Variants in TMEM273 observed in about 807,000 individuals in gnomAD.
TMEM273 encodes transmembrane protein 273.
TMEM273 carries 19 observed loss-of-function variants against 17.9 expected under a neutral mutation model. The observed-to-expected ratio is 1.06, with a 90% confidence interval of 0.74 to 1.55. The LOEUF is 1.55. Ranked by LOEUF, TMEM273 falls within the 40% of genes most tolerant of loss-of-function variation. The pLI, the probability that TMEM273 is intolerant of heterozygous loss-of-function variation, is 0.00. For missense variants in TMEM273, 194 were observed against 155.6 expected, an observed-to-expected ratio of 1.25 and a Z score of -1.31; for synonymous variants, 66 against 62.0, an observed-to-expected ratio of 1.07 and a Z score of -0.31.
chr10:49,187,149 C>T (rs1590270164), intron 1 of TMEM273, among the ~76,000 whole-genome samples: 1 of 152,252 alleles, frequency 6.6e-6, no homozygotes, highest in African/African-American at 2.4e-5. Flanking sequence ...TACCTTCCAC[C>T]ACGTCTCTGG....
chr10:49,169,014 G>A lies in TMEM273; in HGVS notation c.44-1052C>T, dbSNP rs1846383001. Among the ~76,000 whole-genome samples the A allele has an allele frequency of 2.6e-5, 4 of 152,304 alleles. No homozygotes were observed. In the South Asian group the frequency reaches 8.3e-4, roughly 32 times the overall value. On this transcript the variant is annotated intron_variant, in intron 1 of 6. Transcript: ENST00000374153. ...CAAAATGAGGAACGGGAGGCATTGT[G>A]GTCTTGCTAATTTGCCCAAGAGCCA...
At chr10:49,169,497 A>G (rs1846413835) in intron 1 of TMEM273, among the ~76,000 whole-genome samples, 1 of 152,206 alleles carries the variant, frequency 6.6e-6, no homozygotes, top group African/African-American at 2.4e-5. Context: ...TTAGACTGGT[A>G]AAGATTCCCC....
chr10:49,179,553 G>C (rs1252013865), intron 1 of TMEM273, among the ~76,000 whole-genome samples: 1 of 152,132 alleles, frequency 6.6e-6, no homozygotes, highest in African/African-American at 2.4e-5. Context: ...AGATGAAATA[G>C]GTTTACTTTT....
At chr10:49,161,484 T>C (rs1403044025) in intron 6 of TMEM273, 115 bp downstream of exon 6, 2 of 1,351,684 alleles carry the variant, frequency 1.5e-6, no homozygotes, top group Admixed American at 3.4e-5. Flanking sequence ...CATGCCATGG[T>C]TGCCCGTCCC....
intron 1 of TMEM273, among the ~76,000 whole-genome samples, chr10:49,182,467 T>G (rs1448308187): frequency 6.6e-6 from 1 of 152,252 alleles, no homozygotes; most frequent in Admixed American, 6.5e-5. Context: ...AAGAATGTTT[T>G]AGGCCCTGGA....
chr10:49,185,501 C>T (rs1016134930), intron 1 of TMEM273, among the ~76,000 whole-genome samples: 3 of 152,138 alleles, frequency 2.0e-5, no homozygotes, highest in African/African-American at 7.2e-5. Flanking sequence ...CTAAACAGTG[C>T]TCTAGGCCCC....
intron 4 of TMEM273, 87 bp from the exon 5 acceptor site, chr10:49,165,370 A>G: frequency 6.5e-7 from 1 of 1,545,452 alleles, no homozygotes; most frequent in Non-Finnish European, 8.7e-7. Context: ...CTCTGTGCAG[A>G]AGAGCAGGGT....
At chr10:49,174,848 G>A (rs117501758) in intron 1 of TMEM273, among the ~76,000 whole-genome samples, 13 of 152,154 alleles carry the variant, frequency 8.5e-5, no homozygotes, top group South Asian at 2.1e-4. Flanking sequence ...GGACCCCTGC[G>A]ACCCTGACGC....
intron 5 of TMEM273, among the ~76,000 whole-genome samples, chr10:49,162,666 C>T (rs1388153969): frequency 1.3e-5 from 2 of 152,262 alleles, no homozygotes; most frequent in South Asian, 2.1e-4. Context: ...GAGCTGGCCA[C>T]AGCAGTCTGT....
At chr10:49,186,539 G>A (rs1256787969) in intron 1 of TMEM273, among the ~76,000 whole-genome samples, 1 of 152,188 alleles carries the variant, frequency 6.6e-6, no homozygotes, top group Non-Finnish European at 1.5e-5. Flanking sequence ...AATAGTGAGT[G>A]CTCACCACTT....
Position 49,166,770 on chromosome 10 carries a change from G to A in TMEM273, c.238+99C>T, listed in dbSNP as rs758460340. 1.2e-5 allele frequency: 19 copies of A among 1,551,176 alleles called. No homozygotes were observed. The East Asian group carries it at 4.0e-4, about 33-fold the overall frequency. On this transcript the variant is annotated intron_variant, in intron 3 of 6. Coordinates refer to ENST00000374153, the MANE Select transcript of TMEM273 (RefSeq NM_001288740.3). ...CTTCCTTTACAGCCTGTTGGGCTCT[G>A]CGCTTGTGGGTTCATTCTTGCTGTA...
chr10:49,184,161 T>A (rs866557421), intron 1 of TMEM273, among the ~76,000 whole-genome samples: 2 of 152,184 alleles, frequency 1.3e-5, no homozygotes, highest in Admixed American at 6.5e-5. Flanking sequence ...TAAAATTAGA[T>A]CCTTTCTTTA....
intron 5 of TMEM273, among the ~76,000 whole-genome samples, chr10:49,163,339 A>G (rs1845968911): frequency 6.6e-6 from 1 of 151,842 alleles, no homozygotes. Context: ...GATGGGACAT[A>G]TGGCATCTCT....
At chr10:49,186,867 T>C (rs1181572778) in intron 1 of TMEM273, among the ~76,000 whole-genome samples, 4 of 152,198 alleles carry the variant, frequency 2.6e-5, no homozygotes, top group Non-Finnish European at 5.9e-5. Context: ...AGAGTTGCTG[T>C]GGGAACCAAA....
rs112698847 is a variant in TMEM273, at chr10:49,158,303, CT to C, written c.373-2395del. On this transcript the variant is annotated intron_variant, in intron 6 of 6. Transcript: ENST00000374153. ...AATTTAAATACCAGGATGTTTGCTT[CT>C]TTTTTTTTTTCTGTGTGTTGTTTTT... 1.2e-3 allele frequency among the ~76,000 whole-genome samples: 178 copies of C among 145,944 alleles called. 1 individual carries two copies. Among genetic ancestry groups the C allele is most frequent in the African/African-American group, 2.3e-3 (94 of 40,028 alleles).
intron 2 of TMEM273, 150 bp downstream of exon 2, chr10:49,167,759 T>C (rs1846288709): frequency 1.1e-6 from 1 of 938,922 alleles, no homozygotes; most frequent in African/African-American, 1.6e-5. Context: ...AGCTGTCAGC[T>C]GCTCTGGGGG....
intron 3 of TMEM273, 35 bp from the exon 4 acceptor site, chr10:49,165,831 C>A: frequency 1.9e-6 from 3 of 1,613,732 alleles, no homozygotes; most frequent in South Asian, 1.1e-5. Flanking sequence ...GGAAGGGGGT[C>A]GTGTGACAAG....
At chr10:49,156,897 G>GT (rs2132073593) in intron 6 of TMEM273, among the ~76,000 whole-genome samples, 1 of 152,338 alleles carries the variant, frequency 6.6e-6, no homozygotes, top group East Asian at 1.9e-4. Flanking sequence ...AGAGGAAGTG[G>GT]TGAGAAAAGT....
At position 49,161,623 on chromosome 10, in the gene TMEM273, C is replaced by A; in HGVS notation, c.349-1G>T. On this transcript the variant is annotated splice_acceptor_variant, in intron 5 of 6. Transcript: ENST00000374153. LOFTEE classifies it high-confidence loss of function. Reference sequence around the variant, plus strand: ...CCTTTTGGAGAAATTGTGGTTTCGCCTGCAAAACAAGATAAAAGGGTGTTC... The same window carrying A: ...CCTTTTGGAGAAATTGTGGTTTCGCATGCAAAACAAGATAAAAGGGTGTTC... The A allele has an allele frequency of 6.2e-7, 1 of 1,614,216 alleles. No individual in the cohort carries two copies. The highest frequency in any genetic ancestry group is 8.5e-7 in the Non-Finnish European group (1 of 1,180,036).
Sources: allele counts gnomAD v4.1 joint callset (sites outside exome capture counted in the v4.1 genomes callset), GRCh38; gene constraint gnomAD v4.1.1; transcripts MANE v1.5; gene names NCBI Gene and HGNC (gene_info 2026-07-23, HGNC 2026-07-21).